The following JAM3 variants were observed in gnomAD, a reference collection of about 807,000 sequenced individuals.
The protein encoded by JAM3 is junctional adhesion molecule C.
A neutral mutation model predicts 39.4 loss-of-function variants in JAM3; 31 were observed. The observed-to-expected ratio is 0.79, with a 90% CI of 0.59 to 1.06. The LOEUF (loss-of-function observed/expected upper bound fraction) is 1.06. JAM3 is among the 50% of genes least tolerant of loss of function. The pLI, the probability that JAM3 is intolerant of heterozygous loss-of-function variation, is 0.00. For synonymous variants in JAM3, 182 were observed against 148.7 expected, an observed-to-expected ratio of 1.22 and a Z score of -1.63; for missense variants, 455 against 391.4, an observed-to-expected ratio of 1.16 and a Z score of -1.37.
intron 1 of JAM3, among the ~76,000 whole-genome samples, chr11:134,136,364 A>G (rs775060444): frequency 5.9e-5 from 9 of 152,164 alleles, no homozygotes; most frequent in Non-Finnish European, 1.2e-4. Flanking sequence ...ATCCCCAGGC[A>G]TTGGGCAGGA....
intron 1 of JAM3, among the ~76,000 whole-genome samples, chr11:134,104,251 A>G (rs148219008): frequency 1.1e-4 from 17 of 152,342 alleles, no homozygotes; most frequent in African/African-American, 3.1e-4. Context: ...CTGCTCCTGA[A>G]TGACTACTGG....
intron 1 of JAM3, among the ~76,000 whole-genome samples, chr11:134,124,873 T>A (rs1377728746): frequency 6.6e-6 from 1 of 152,218 alleles, no homozygotes; most frequent in East Asian, 1.9e-4. Flanking sequence ...TCGCCGTAAA[T>A]GTGCAACGTA....
intron 1 of JAM3, 33 bp downstream of exon 1, chr11:134,069,192 A>G: frequency 1.9e-6 from 3 of 1,608,586 alleles, no homozygotes; most frequent in Non-Finnish European, 2.5e-6. Flanking sequence ...TTGGGAGACT[A>G]GGGTCTGGGG....
rs1485452891 is a variant in JAM3 at position 134,151,692 on chromosome 11, AC to A, written c.*2512del. The stretch of plus-strand genomic sequence containing the variant: ...CTGTACACAGATGCTACAGACTTGT[AC>A]TAACACACCGTAATTTGGCATTTGT... On this transcript the variant is annotated 3_prime_UTR_variant, in exon 9 of 9. Coordinates refer to ENST00000299106, the MANE Select transcript of JAM3 (RefSeq NM_032801.5). 1.3e-5 allele frequency: 2 copies of A among 152,246 alleles called. No homozygotes were observed. Among genetic ancestry groups the A allele is most frequent in the Non-Finnish European group, 2.9e-5 (2 of 68,048 alleles). 9.4% of individuals were successfully genotyped at this position (152,246 alleles called of 1,614,324 possible).
intron 2 of JAM3, 107 bp from the exon 3 acceptor site, chr11:134,140,550 A>C: frequency 1.1e-6 from 1 of 896,804 alleles, no homozygotes; most frequent in Non-Finnish European, 1.9e-6. Flanking sequence ...CTACGTTTTT[A>C]ATCTGCATGA....
rs554430156 is a variant in JAM3, at chr11:134,071,165, T to G, written c.76+2006T>G. 9.8e-5 allele frequency among the ~76,000 whole-genome samples: 15 copies of G among 152,324 alleles called. No individual in the cohort carries two copies. The South Asian group carries it at 3.1e-3, about 32-fold the overall frequency. ...TCTTGATATAACAGCAAACATTTCT[T>G]TTGTGGTTACCCTTTGCCAGGCTCT... On this transcript the variant is annotated intron_variant, in intron 1 of 8. Transcript: ENST00000299106.
rs1941904554 is a variant in JAM3, at chr11:134,093,126, C to T, written c.76+23967C>T. Among the ~76,000 whole-genome samples, 2 of 124,890 alleles carry T rather than the reference C, an allele frequency of 1.6e-5. 1 individual carries two copies. Among genetic ancestry groups the T allele is most frequent in the African/African-American group, 6.6e-5 (2 of 30,394 alleles). 81.9% of individuals were successfully genotyped at this position (124,890 alleles called of 152,430 possible). ...CTTCCTGAGGGAAGCTTCTCCTGAG[C>T]CCTCTTTATTCATCATGTTCTATCT... On this transcript the variant is annotated intron_variant, in intron 1 of 8. Transcript: ENST00000299106.
At chr11:134,075,191 C>T (rs1941546504) in intron 1 of JAM3, among the ~76,000 whole-genome samples, 1 of 152,090 alleles carries the variant, frequency 6.6e-6, no homozygotes, top group Admixed American at 6.5e-5. Flanking sequence ...AGTCAAATAA[C>T]AGAGCAGCAT....
At chr11:134,117,681 G>A (rs1488257165) in intron 1 of JAM3, among the ~76,000 whole-genome samples, 4 of 152,196 alleles carry the variant, frequency 2.6e-5, no homozygotes, top group Non-Finnish European at 5.9e-5. Context: ...ATATGACAGT[G>A]GGATATGACA....
intron 1 of JAM3, among the ~76,000 whole-genome samples, chr11:134,102,633 G>A (rs1333176238): frequency 6.6e-6 from 1 of 152,150 alleles, no homozygotes; most frequent in Non-Finnish European, 1.5e-5. Flanking sequence ...TTAGACAAAT[G>A]GCTAACTAGA....
chr11:134,110,469 T>C (rs1009306228), intron 1 of JAM3, among the ~76,000 whole-genome samples: 1 of 152,232 alleles, frequency 6.6e-6, no homozygotes, highest in Non-Finnish European at 1.5e-5. Context: ...CAATAAAAAC[T>C]AATAAATTAT....
intron 1 of JAM3, among the ~76,000 whole-genome samples, chr11:134,078,459 A>C (rs1941609280): frequency 6.6e-6 from 1 of 151,938 alleles, no homozygotes; most frequent in Admixed American, 6.6e-5. Context: ...TCAGTTTAAC[A>C]CTCCTACCCA....
rs757070325 is a variant in JAM3, at chr11:134,069,073, C to G, written c.-11C>G. 3 of 1,609,152 alleles carry G rather than the reference C, an allele frequency of 1.9e-6. No individual in the cohort carries two copies. The highest frequency in any genetic ancestry group is 4.5e-5 in the East Asian group (2 of 44,646). On this transcript the variant is annotated 5_prime_UTR_variant, in exon 1 of 9. Coordinates refer to ENST00000299106, the MANE Select transcript of JAM3 (RefSeq NM_032801.5). Reference sequence around the variant, plus strand: ...CGCCGCGCTGCCGCTGGCCCCTCAGCAACCCTCGACATGGCGCTGAGGCGG... The same window carrying G: ...CGCCGCGCTGCCGCTGGCCCCTCAGGAACCCTCGACATGGCGCTGAGGCGG...
At chr11:134,129,326 C>T (rs1035185298) in intron 1 of JAM3, among the ~76,000 whole-genome samples, 2 of 151,998 alleles carry the variant, frequency 1.3e-5, no homozygotes, top group African/African-American at 4.8e-5. Context: ...CAGTGTTAGC[C>T]AGGATGGTCT....
At chr11:134,130,613 A>G (rs1057015663) in intron 1 of JAM3, among the ~76,000 whole-genome samples, 1 of 152,214 alleles carries the variant, frequency 6.6e-6, no homozygotes, top group African/African-American at 2.4e-5. Flanking sequence ...ATAGCAACCA[A>G]GCAAATATCT....
chr11:134,134,461 GATAA>G (rs1213773766), intron 1 of JAM3, among the ~76,000 whole-genome samples: 8 of 105,356 alleles, frequency 7.6e-5, no homozygotes, highest in Admixed American at 1.9e-4. Context: ...GAAAATCAAA[GATAA>G]ATAAAACATA....
At chr11:134,083,316 C>G (rs1435304433) in intron 1 of JAM3, among the ~76,000 whole-genome samples, 1 of 148,558 alleles carries the variant, frequency 6.7e-6, no homozygotes, top group Non-Finnish European at 1.5e-5. Context: ...CTCCCTCACT[C>G]TTTCTCTCTC....
At chr11:134,125,248 A>G (rs1279227228) in intron 1 of JAM3, among the ~76,000 whole-genome samples, 1 of 152,214 alleles carries the variant, frequency 6.6e-6, no homozygotes. Flanking sequence ...TTAGTTCCAC[A>G]TCTTCCCTGG....
intron 1 of JAM3, chr11:134,124,355 G>A (rs549518828): frequency 7.5e-5 from 53 of 706,532 alleles, no homozygotes; most frequent in East Asian, 4.7e-4. Flanking sequence ...GTGAGTGTGC[G>A]TGTGAGTGTG....
Sources: gnomAD v4.1 joint callset for allele counts (sites outside exome capture counted in the v4.1 genomes callset) on GRCh38, gnomAD v4.1.1 for gene constraint, MANE v1.5 for transcripts, NCBI Gene and HGNC (gene_info 2026-07-23, HGNC 2026-07-21) for gene names.